MUS81: variants seen among roughly 807,000 people sequenced by gnomAD.
The protein encoded by MUS81 is MUS81 structure-specific endonuclease subunit, also known as structure-specific endonuclease subunit MUS81.
A neutral mutation model predicts 74.2 loss-of-function variants in MUS81; 69 were observed. The observed-to-expected ratio is 0.93, with a 90% confidence interval of 0.77 to 1.14. MUS81 has a LOEUF of 1.14. Among genes scored for constraint, MUS81 ranks in the 50% most tolerant of loss-of-function variants. MUS81 has a pLI of 0.00. For missense variants in MUS81, 711 were observed against 726.5 expected (o/e 0.98, Z 0.25); for synonymous variants, 303 against 300.6 (o/e 1.01, Z -0.08).
downstream of MUS81, chr11:65,867,096 G>A (rs893023041): frequency 6.2e-7 from 1 of 1,613,610 alleles, no homozygotes; most frequent in African/African-American, 1.3e-5. Context: ...GGCAGTGGGT[G>A]GGGGGACATA....
downstream of MUS81, chr11:65,867,046 C>T (rs1859862751): frequency 3.1e-6 from 5 of 1,614,128 alleles, no homozygotes; most frequent in Non-Finnish European, 4.2e-6. Context: ...ACCGGCCGGG[C>T]GAGGACCAGC....
In MUS81 at chr11:65,866,358, C is replaced by T. The variant is rs999258158; in HGVS notation, c.*306C>T. 4.9e-6 allele frequency: 3 copies of T among 610,028 alleles called. No homozygotes were observed. Among genetic ancestry groups the T allele is most frequent in the Non-Finnish European group, 8.7e-6 (3 of 346,456 alleles). The allele number at this position is 610,028 out of a possible 1,614,324, so 37.8% of individuals were successfully genotyped here. A position where few individuals can be genotyped will look rare whatever the true frequency, so the allele number is the denominator to read the frequency against. On this transcript the variant is annotated 3_prime_UTR_variant, in exon 16 of 16. Transcript: ENST00000308110. ...AGTTGGTCCTCATCAAATAAAATTT[C>T]CTTAGGAGTGCAGAGGGCTCATTGG...
In MUS81 at chr11:65,865,952, C is replaced by T. The variant is rs771255072; in HGVS notation, c.1590-34C>T. The T allele has an allele frequency of 1.9e-6, 3 of 1,613,666 alleles. No homozygotes were observed. In the African/African-American group the frequency reaches 4.0e-5, roughly 22 times the overall value. On this transcript the variant is annotated intron_variant, in intron 15 of 15. Transcript: ENST00000308110. ...GCAGGGACTGGGGCTGCCCTAGGCC[C>T]AGGGCGTGACCCTCGCTGCCTCTCT... is the stretch of plus-strand genomic sequence containing the variant.
downstream of MUS81, chr11:65,867,312 C>T (rs1859869505): frequency 1.7e-6 from 1 of 587,348 alleles, no homozygotes; most frequent in Admixed American, 3.0e-5. Context: ...CCAGCCTGCT[C>T]TGTCTGACCC....
At chr11:65,867,555 G>C, downstream of MUS81, 1 of 480,732 alleles carries the variant, frequency 2.1e-6, no homozygotes, top group Admixed American at 3.3e-5. Flanking sequence ...CACTAGCAAG[G>C]AGTGGACTTT....
At chr11:65,861,144 C>G in intron 2 of MUS81, 42 bp downstream of exon 2, 1 of 1,610,124 alleles carries the variant, frequency 6.2e-7, no homozygotes, top group Non-Finnish European at 8.5e-7. Context: ...CCACCTCCCC[C>G]AGGTGGAGCC....
In MUS81 at chr11:65,864,660, G is replaced by A. The variant is rs377197517; in HGVS notation, c.1176+47G>A. ...AGGCAGGCAGGCAGGGGCCCCTGTG[G>A]TCCATGGTTCATGGTCTAGGCCAGG... On this transcript the variant is annotated intron_variant, in intron 11 of 15. Transcript: ENST00000308110. 1.6e-4 allele frequency: 260 copies of A among 1,612,962 alleles called. No individual in the cohort carries two copies. The African/African-American group carries it at 3.2e-3, about 20-fold the overall frequency.
At chr11:65,861,456 G>A (rs1859602227) in intron 3 of MUS81, 21 bp downstream of exon 3, 2 of 1,578,258 alleles carry the variant, frequency 1.3e-6, no homozygotes, top group Non-Finnish European at 8.6e-7. Flanking sequence ...GGCAAGGGGA[G>A]TGGAAGGCAA....
Position 65,866,029 on chromosome 11 carries a change from T to G in MUS81, c.1633T>G (p.Cys545Gly). ...ALSRTLSQLY[C>G]SYGPLT ...GAGCAGGACCTTATCCCAGCTCTAC[T>G]GCAGCTACGGCCCCTTGACCTGAGC... Residue 545 changes from cysteine to glycine, a missense_variant, in exon 16 of 16, where the codon TGC becomes GGC. Physicochemically the swap from Cys to Gly is radical, Grantham distance 159. Transcript: ENST00000308110. The G allele has an allele frequency of 1.2e-6, 2 of 1,614,092 alleles. No homozygotes were observed.
chr11:65,863,019 G>C, intron 6 of MUS81, 46 bp from the exon 7 acceptor site: 1 of 1,612,598 alleles, frequency 6.2e-7, no homozygotes, highest in Non-Finnish European at 8.5e-7. Context: ...AGCCTGCCAG[G>C]AATGAGTGAA....
rs746829652 is a variant in MUS81, at chr11:65,865,304, C to G, written c.1486C>G (p.Arg496Gly). ...GGAGAAGGCAGCAGCCCTGGTGGAT[C>G]GATACAGCACCCCTGCCAGGTAGGC... ...SGEKAAALVDRYSTPASLLAA... is the reference protein window; with the variant it reads ...SGEKAAALVDGYSTPASLLAA... Residue 496 changes from arginine (R) to glycine (G), a missense_variant, in exon 14 of 16, where the codon CGA becomes GGA. Physicochemically the swap from Arg to Gly is moderately radical, Grantham distance 125. Coordinates refer to ENST00000308110, the MANE Select transcript of MUS81 (RefSeq NM_025128.5). 4 of 1,613,820 alleles carry G rather than the reference C, an allele frequency of 2.5e-6. No individual in the cohort carries two copies. The highest frequency in any genetic ancestry group is 1.3e-5 in the African/African-American group (1 of 74,916).
Position 65,863,100 on chromosome 11 carries a change from A to G in MUS81, c.641A>G (p.Gln214Arg), listed in dbSNP as rs777801229. The change falls in exon 7 of 16, where the codon CAG becomes CGG. Residue 214 changes from glutamine (Q) to arginine (R), a missense_variant. Physicochemically the swap from Gln to Arg is conservative, Grantham distance 43 (BLOSUM62 1). Coordinates refer to ENST00000308110, the MANE Select transcript of MUS81 (RefSeq NM_025128.5). The part of the protein sequence containing the change: ...SLTPEGLELA[Q>R]KLAESEGLSL... ...ACCCCAGAGGGCCTGGAGCTGGCCCAGAAGTTGGCCGAGTCAGAAGGCCTG... is the reference window on the plus strand; with the variant it reads ...ACCCCAGAGGGCCTGGAGCTGGCCCGGAAGTTGGCCGAGTCAGAAGGCCTG... The G allele has an allele frequency of 6.2e-7, 1 of 1,614,032 alleles. No individual in the cohort carries two copies. The highest frequency in any genetic ancestry group is 2.2e-5 in the East Asian group (1 of 44,892).
Position 65,861,959 on chromosome 11 carries a change from C to T in MUS81, c.364C>T (p.Pro122Ser). 1 of 1,610,130 alleles carries T rather than the reference C, an allele frequency of 6.2e-7. No homozygotes were observed. The highest frequency in any genetic ancestry group is 8.5e-7 in the Non-Finnish European group (1 of 1,178,510). Reference protein sequence around the residue: ...QDSSMPVPAQPKAGGSGSYWP... With the variant: ...QDSSMPVPAQSKAGGSGSYWP... ...CTGTACCTTTCAGGTTCCTGCCCAG[C>T]CCAAAGCGGGAGGCTCTGGCAGCTA... The change falls in exon 4 of 16, where the codon CCC (proline) becomes TCC (serine). Residue 122 changes from proline (P) to serine (S), a missense_variant. Transcript: ENST00000308110.
chr11:65,862,928 G>T, intron 6 of MUS81, 137 bp from the exon 7 acceptor site: 1 of 1,071,306 alleles, frequency 9.3e-7, no homozygotes, highest in Non-Finnish European at 1.4e-6. Flanking sequence ...AAGAAGACCA[G>T]GAGGAGCAGG....
Position 65,864,818 on chromosome 11 carries a change from G to T in MUS81, c.1272+3G>T. The T allele has an allele frequency of 6.2e-7, 1 of 1,611,586 alleles. No homozygotes were observed. The highest frequency in any genetic ancestry group is 1.1e-5 in the South Asian group (1 of 91,032). On this transcript the variant is annotated splice_donor_region_variant and intron_variant, in intron 12 of 15. Transcript: ENST00000308110. ...GGGGCCTGCAGAGACTCTACCAGGT[G>T]AGCAGAGGCCCCTTTCCCAGTGTCG...
Position 65,863,882 on chromosome 11 carries a change from G to A in MUS81, c.1040G>A (p.Gly347Asp). 3 of 1,614,124 alleles carry A rather than the reference G, an allele frequency of 1.9e-6. No individual in the cohort carries two copies. Among genetic ancestry groups the A allele is most frequent in the Non-Finnish European group, 2.5e-6 (3 of 1,179,992 alleles). ...LDDLCSSIIDGRFREQKFRLK... is the reference protein window; with the variant it reads ...LDDLCSSIIDDRFREQKFRLK... ...GACCTTTGCAGCAGCATCATCGACG[G>A]CCGCTTCCGGGAGCAGAAGGTAATT... The change falls in exon 10 of 16, where the codon GGC becomes GAC. Residue 347 changes from glycine to aspartate, a missense_variant. Gly to Asp is a moderately conservative substitution (Grantham distance 94). Transcript: ENST00000308110.
At chr11:65,862,561 A>T in intron 6 of MUS81, 32 bp downstream of exon 6, 2 of 1,597,206 alleles carry the variant, frequency 1.3e-6, no homozygotes, top group Non-Finnish European at 1.7e-6. Flanking sequence ...ACAGGAGAGC[A>T]TGAGTGAACT....
intron 13 of MUS81, 34 bp from the exon 14 acceptor site, chr11:65,865,186 G>C: frequency 6.2e-7 from 1 of 1,614,182 alleles, no homozygotes; most frequent in Non-Finnish European, 8.5e-7. Context: ...GCCTGGCCCA[G>C]ACCCCCACTG....
At chr11:65,866,589 C>G (rs780461645), downstream of MUS81, 80 of 702,898 alleles carry the variant, frequency 1.1e-4, no homozygotes, top group African/African-American at 1.0e-3. Flanking sequence ...CCCTGCAAGC[C>G]AGCCAAGTCC....
Sources: gnomAD v4.1 joint callset for allele counts on GRCh38, gnomAD v4.1.1 for gene constraint, MANE v1.5 for transcripts, NCBI Gene and HGNC (gene_info 2026-07-23, HGNC 2026-07-21) for gene names.